Variants in USP6 observed in about 807,000 individuals in gnomAD.
USP6 encodes ubiquitin specific peptidase 6.
In USP6, 128 loss-of-function variants were observed where a neutral mutation model predicts 175.7. The ratio of observed to expected loss-of-function variants is 0.73; its 90% CI spans 0.63 to 0.84. The LOEUF (loss-of-function observed/expected upper bound fraction) is 0.84, where lower values mean the gene tolerates loss of function less well. Among genes scored for constraint, USP6 ranks in the 40% least tolerant of loss-of-function variants. The probability of loss-of-function intolerance (pLI) is 0.00; values close to 1 mark genes in which losing one functional copy is unlikely to be tolerated. For synonymous variants in USP6, 562 were observed against 630.6 expected (o/e 0.89, Z 1.63); for missense variants, 1,498 against 1,760.3 (o/e 0.85, Z 2.67).
At chr17:5,125,678 G>GCGCGCACACACA (rs1344445678) in intron 5 of USP6, 143 bp from the exon 6 acceptor site, 2 of 137,592 alleles carry the variant, frequency 1.5e-5, no homozygotes, top group African/African-American at 5.7e-5. Flanking sequence ...ACACGCACAT[G>GCGCGCACACACA]CACACACACA....
chr17:5,138,330 G>A, intron 21 of USP6, 57 bp downstream of exon 21: 1 of 1,608,510 alleles, frequency 6.2e-7, no homozygotes. Flanking sequence ...TCAATAGTGG[G>A]CGGGTGCCCC....
Position 5,173,418 on chromosome 17 carries a change from CATTAT to C in USP6, c.*444_*448del, listed in dbSNP as rs1039871459. 99 of 225,272 alleles carry C rather than the reference CATTAT, an allele frequency of 4.4e-4. No individual in the cohort carries two copies. Among genetic ancestry groups the C allele is most frequent in the African/African-American group, 2.1e-3 (94 of 44,828 alleles). 14.0% of individuals were successfully genotyped at this position (225,272 alleles called of 1,614,324 possible). On this transcript the variant is annotated 3_prime_UTR_variant, in exon 38 of 38. Coordinates refer to ENST00000574788, the MANE Select transcript of USP6 (RefSeq NM_001304284.2). ...CCTCCTTTTTCCTGAAGTTTTATTC[CATTAT>C]ATTGACAAGATGGAGAAAGCAAGAT...
chr17:5,161,486 C>G, intron 31 of USP6, 42 bp from the exon 32 acceptor site: 1 of 1,604,030 alleles, frequency 6.2e-7, no homozygotes, highest in Non-Finnish European at 8.5e-7. Flanking sequence ...GACCTCGAAC[C>G]AGAAATGCTT....
intron 29 of USP6, 144 bp downstream of exon 29, chr17:5,147,338 T>C (rs1328351212): frequency 1.9e-6 from 2 of 1,030,186 alleles, no homozygotes; most frequent in East Asian, 6.0e-5. Context: ...GATTATTCCA[T>C]ATTTTTTCGA....
intron 21 of USP6, 189 bp from the exon 22 acceptor site, chr17:5,139,066 G>C (rs1389374002): frequency 1.3e-6 from 2 of 1,590,636 alleles, no homozygotes; most frequent in Non-Finnish European, 1.7e-6. Flanking sequence ...TGCCCCAACG[G>C]CTTCCCCATG....
intron 29 of USP6, among the ~76,000 whole-genome samples, chr17:5,147,614 A>T (rs893429375): frequency 1.3e-5 from 2 of 152,226 alleles, no homozygotes; most frequent in Non-Finnish European, 2.9e-5. Context: ...ACTTACAATT[A>T]GGTTAATTAG....
In USP6 at chr17:5,153,373, G is replaced by A. The variant is rs139417466; in HGVS notation, c.2644-2049G>A. 6.5e-4 allele frequency among the ~76,000 whole-genome samples: 99 copies of A among 152,206 alleles called. No individual in the cohort carries two copies. The South Asian group carries it at 6.8e-3, about 11-fold the overall frequency. On this transcript the variant is annotated intron_variant, in intron 30 of 37. Coordinates refer to ENST00000574788, the MANE Select transcript of USP6 (RefSeq NM_001304284.2). Reference sequence around the variant, plus strand: ...ACGATCTCAACTCACCGCAACCTCCGCCTCCTGTGTTCAAGTGATTCTCCT... The same window carrying A: ...ACGATCTCAACTCACCGCAACCTCCACCTCCTGTGTTCAAGTGATTCTCCT...
rs770551915 is a variant in USP6 at position 5,133,864 on chromosome 17, C to G, written c.385-23C>G. 7 of 1,611,336 alleles carry G rather than the reference C, an allele frequency of 4.3e-6. No individual in the cohort carries two copies. The East Asian group carries it at 1.6e-4, about 36-fold the overall frequency. On this transcript the variant is annotated intron_variant, in intron 14 of 37. Transcript: ENST00000574788. Reference sequence around the variant, plus strand: ...CTTCCATCTGTTCTGAGGCTGCTTCCTCCTCTTGGCCCTGCCCTACAGATC... The same window carrying G: ...CTTCCATCTGTTCTGAGGCTGCTTCGTCCTCTTGGCCCTGCCCTACAGATC...
chr17:5,145,980 G>A (rs753827618), intron 27 of USP6, 43 bp from the exon 28 acceptor site: 65 of 1,532,576 alleles, frequency 4.2e-5, no homozygotes, highest in Non-Finnish European at 5.4e-5. Flanking sequence ...GGCTTTCAAT[G>A]AAACCTGCAT....
intron 31 of USP6, among the ~76,000 whole-genome samples, chr17:5,160,863 A>G (rs368898263): frequency 2.0e-5 from 3 of 152,256 alleles, no homozygotes; most frequent in African/African-American, 7.2e-5. Flanking sequence ...AAGTGTTCCT[A>G]TTTCTCCACA....
intron 16 of USP6, 69 bp downstream of exon 16, chr17:5,135,351 G>A (rs1207561220): frequency 2.5e-6 from 4 of 1,575,528 alleles, no homozygotes; most frequent in Non-Finnish European, 3.5e-6. Context: ...GTCTGGTGGG[G>A]GTGTCGTTGC....
At chr17:5,165,395 A>G (rs953125452) in intron 33 of USP6, among the ~76,000 whole-genome samples, 2 of 152,142 alleles carry the variant, frequency 1.3e-5, no homozygotes, top group African/African-American at 4.8e-5. Context: ...AGCCTGGGCA[A>G]TATGATGTCA....
rs763273550 is a variant in USP6 at position 5,142,501 on chromosome 17, G to A, written c.1817G>A (p.Arg606Gln). The change falls in exon 25 of 38, where the codon CGG (arginine) becomes CAG (glutamine). Residue 606 changes from arginine to glutamine, a missense_variant and splice_region_variant. Physicochemically the swap from Arg to Gln is conservative, Grantham distance 43. Transcript: ENST00000574788. ...AAGAGTGTTGCCCCATTAAAGCTTCGGGTAAGCAGGTTAAAATAATATAAA... is the reference window on the plus strand; with the variant it reads ...AAGAGTGTTGCCCCATTAAAGCTTCAGGTAAGCAGGTTAAAATAATATAAA... ...TQKSVAPLKL[R>Q]RTIAKYAPKF... 28 of 1,609,176 alleles carry A rather than the reference G, an allele frequency of 1.7e-5. No homozygotes were observed. Among genetic ancestry groups the A allele is most frequent in the Admixed American group, 1.2e-4 (7 of 59,032 alleles).
At chr17:5,149,231 C>T (rs1478932762) in intron 30 of USP6, among the ~76,000 whole-genome samples, 3 of 152,018 alleles carry the variant, frequency 2.0e-5, no homozygotes, top group South Asian at 2.1e-4. Context: ...GGTGAAATCC[C>T]ATCTCTACTA....
intron 15 of USP6, chr17:5,134,313 G>A (rs768460205): frequency 6.4e-4 from 221 of 347,504 alleles, no homozygotes; most frequent in Non-Finnish European, 9.6e-4. Flanking sequence ...AGGGTGGCAG[G>A]ATGGAGGGCC....
chr17:5,155,619 G>T lies in USP6; in HGVS notation c.2828+13G>T, dbSNP rs758585682. On this transcript the variant is annotated intron_variant, in intron 31 of 37. Coordinates refer to ENST00000574788, the MANE Select transcript of USP6 (RefSeq NM_001304284.2). Reference sequence around the variant, plus strand: ...ATGCCCAGGATCGGTGAGTTCAGGGGATCCATCTAAACCTGTGGTTTCCAA... The same window carrying T: ...ATGCCCAGGATCGGTGAGTTCAGGGTATCCATCTAAACCTGTGGTTTCCAA... 38 of 1,612,074 alleles carry T rather than the reference G, an allele frequency of 2.4e-5. No homozygotes were observed. The highest frequency in any genetic ancestry group is 3.2e-5 in the Non-Finnish European group (38 of 1,179,240).
chr17:5,160,030 G>A (rs762428399), intron 31 of USP6, among the ~76,000 whole-genome samples: 9 of 151,566 alleles, frequency 5.9e-5, no homozygotes, highest in African/African-American at 9.7e-5. Context: ...GCCAGGCTTC[G>A]TTCAGTTAGA....
rs530233535 is a variant in USP6, at chr17:5,145,262, A to G, written c.1993-143A>G. On this transcript the variant is annotated intron_variant, in intron 26 of 37. Transcript: ENST00000574788. Reference sequence around the variant, plus strand: ...ATGAAAAATAGGATTTTCCATCTCAATTTAATATTTTATGTTAAATGAAGA... The same window carrying G: ...ATGAAAAATAGGATTTTCCATCTCAGTTTAATATTTTATGTTAAATGAAGA... 1.3e-4 allele frequency: 145 copies of G among 1,117,590 alleles called. No individual in the cohort carries two copies. In the African/African-American group the frequency reaches 2.2e-3, roughly 17 times the overall value. 69.2% of individuals were successfully genotyped at this position (1,117,590 alleles called of 1,614,324 possible).
chr17:5,142,253 C>T (rs2073469883), intron 24 of USP6, 112 bp downstream of exon 24: 7 of 1,536,506 alleles, frequency 4.6e-6, no homozygotes, highest in African/African-American at 2.8e-5. Flanking sequence ...TCTTATTTGC[C>T]CTATTTAATA....
Sources: gnomAD v4.1 joint callset for allele counts (sites outside exome capture counted in the v4.1 genomes callset) on GRCh38, gnomAD v4.1.1 for gene constraint, MANE v1.5 for transcripts, NCBI Gene and HGNC (gene_info 2026-07-23, HGNC 2026-07-21) for gene names.